Variants in DEFB110 observed in about 807,000 individuals in gnomAD.
DEFB110 encodes the protein defensin beta 110.
A neutral mutation model predicts 2.5 loss-of-function variants in DEFB110; 4 were observed. That is an observed-to-expected ratio of 1.60 (90% CI 0.79 to 3.66). The LOEUF (loss-of-function observed/expected upper bound fraction) is 3.66, where lower values mean the gene tolerates loss of function less well. DEFB110 is among the 30% of genes most tolerant of loss of function. DEFB110 has a pLI of 0.01. For missense variants in DEFB110, 94 were observed against 75.4 expected, an observed-to-expected ratio of 1.25 and a Z score of -0.91; for synonymous variants, 29 against 21.8, an observed-to-expected ratio of 1.33 and a Z score of -0.92.
downstream of DEFB110, among the ~76,000 whole-genome samples, chr6:50,015,006 C>T (rs561814090): frequency 2.6e-5 from 4 of 151,922 alleles, no homozygotes; most frequent in African/African-American, 7.2e-5. Context: ...TCTACATGTC[C>T]AAAATTGGAT....
chr6:50,015,856 A>G (rs149213456), downstream of DEFB110, among the ~76,000 whole-genome samples: 70 of 151,866 alleles, frequency 4.6e-4, no homozygotes, highest in African/African-American at 1.6e-3. Context: ...ATGTAGTTTA[A>G]CCTGTTTATT....
At chr6:50,021,390 G>C (rs994616159) in intron 1 of DEFB110, among the ~76,000 whole-genome samples, 1 of 152,058 alleles carries the variant, frequency 6.6e-6, no homozygotes, top group Non-Finnish European at 1.5e-5. Flanking sequence ...AGAACCACTG[G>C]TCTAGTGATA....
At chr6:50,018,775 G>A (rs1041040926), downstream of DEFB110, 1 of 1,248,378 alleles carries the variant, frequency 8.0e-7, no homozygotes, top group African/African-American at 1.6e-5. Flanking sequence ...GCTACTTCTG[G>A]TACCAACAAA....
chr6:50,021,973 C>T lies in DEFB110; in HGVS notation c.-38G>A. On this transcript the variant is annotated 5_prime_UTR_variant, in exon 1 of 2. Coordinates refer to ENST00000371148, the MANE Select transcript of DEFB110 (RefSeq NM_001037497.2). ...CTTAAAAAAAGGGGGCAACAGACCT[C>T]CTTTTTCAAGTCAGTTGTTTTGAAA... 2 of 1,492,968 alleles carry T rather than the reference C, an allele frequency of 1.3e-6. No individual in the cohort carries two copies. The highest frequency in any genetic ancestry group is 1.3e-5 in the South Asian group (1 of 74,814). The allele number at this position is 1,492,968 out of a possible 1,614,324, so 92.5% of individuals were successfully genotyped here.
chr6:50,013,737 G>T (rs915524767), intron 1 of DEFB110, among the ~76,000 whole-genome samples: 5 of 151,830 alleles, frequency 3.3e-5, no homozygotes, highest in Admixed American at 1.3e-4. Flanking sequence ...TTTTGGATTT[G>T]CAGGGAAAGG....
At chr6:50,017,239 C>T (rs560621332), downstream of DEFB110, among the ~76,000 whole-genome samples, 45 of 151,716 alleles carry the variant, frequency 3.0e-4, no homozygotes, top group African/African-American at 1.1e-3. Context: ...TCACATCTAG[C>T]CCATATGTAA....
intron 1 of DEFB110, among the ~76,000 whole-genome samples, chr6:50,009,590 A>G (rs552626333): frequency 6.6e-6 from 1 of 152,162 alleles, no homozygotes; most frequent in Non-Finnish European, 1.5e-5. Context: ...TTTGTCAGAC[A>G]TTTGTTGTGA....
chr6:50,021,800 A>T (rs537263691), intron 1 of DEFB110, 81 bp downstream of exon 1: 5 of 1,306,944 alleles, frequency 3.8e-6, no homozygotes, highest in Admixed American at 5.4e-5. Context: ...TCCCTATGTT[A>T]TTATCATATT....
At chr6:50,013,410 T>A (rs766033981) in intron 1 of DEFB110, among the ~76,000 whole-genome samples, 2 of 151,810 alleles carry the variant, frequency 1.3e-5, no homozygotes, top group African/African-American at 2.4e-5. Flanking sequence ...TTTAGCACAA[T>A]AGAAATTATA....
At chr6:50,015,933 C>CT (rs1774308284), downstream of DEFB110, among the ~76,000 whole-genome samples, 2 of 151,760 alleles carry the variant, frequency 1.3e-5, no homozygotes, top group African/African-American at 4.8e-5. Flanking sequence ...TTTGTGAACT[C>CT]TATCAAATTG....
downstream of DEFB110, among the ~76,000 whole-genome samples, chr6:50,016,492 A>G (rs1774318221): frequency 6.6e-6 from 1 of 151,878 alleles, no homozygotes; most frequent in Non-Finnish European, 1.5e-5. Context: ...TCATACAATA[A>G]AAATTACAAT....
At chr6:50,020,374 T>A (rs2113943391) in intron 1 of DEFB110, among the ~76,000 whole-genome samples, 1 of 152,204 alleles carries the variant, frequency 6.6e-6, no homozygotes, top group East Asian at 1.9e-4. Flanking sequence ...CAAGTCAAAA[T>A]TTTTTTATTT....
At chr6:50,016,459 C>T (rs151142197), downstream of DEFB110, among the ~76,000 whole-genome samples, 41 of 151,898 alleles carry the variant, frequency 2.7e-4, no homozygotes, top group East Asian at 7.9e-3. Context: ...ATTAGTTTAA[C>T]ATTATCTAGT....
chr6:50,021,840 A>T (rs1183028105), intron 1 of DEFB110, 41 bp downstream of exon 1: 1 of 1,521,212 alleles, frequency 6.6e-7, no homozygotes, highest in Admixed American at 2.4e-5. Context: ...ATGTCTTCTC[A>T]AATTTGTTAG....
chr6:50,019,199 A>G, intron 1 of DEFB110, 74 bp from the exon 2 acceptor site: 1 of 1,487,194 alleles, frequency 6.7e-7, no homozygotes, highest in Non-Finnish European at 9.1e-7. Context: ...GAGAAAGTCC[A>G]TGAAGCAAAA....
chr6:50,015,940 A>G (rs1021554592), downstream of DEFB110, among the ~76,000 whole-genome samples: 2 of 151,802 alleles, frequency 1.3e-5, no homozygotes, highest in African/African-American at 2.4e-5. Context: ...ACTCTATCAA[A>G]TTGAATATTA....
intron 1 of DEFB110, among the ~76,000 whole-genome samples, chr6:50,020,358 T>C (rs1430570696): frequency 6.6e-6 from 1 of 152,090 alleles, no homozygotes; most frequent in Non-Finnish European, 1.5e-5. Flanking sequence ...ATATTTTAAA[T>C]TGTACCAAGT....
intron 1 of DEFB110, among the ~76,000 whole-genome samples, chr6:50,019,610 T>C (rs1000843558): frequency 6.6e-6 from 1 of 152,040 alleles, no homozygotes; most frequent in Non-Finnish European, 1.5e-5. Flanking sequence ...GCAACTCCCC[T>C]GAATATTTGG....
chr6:50,019,903 G>A (rs1365575928), intron 1 of DEFB110, among the ~76,000 whole-genome samples: 33 of 151,994 alleles, frequency 2.2e-4, no homozygotes, highest in Admixed American at 2.0e-3. Flanking sequence ...TTAGTGGCAC[G>A]CAGACACACC....
Sources: gnomAD v4.1 joint callset for allele counts (sites outside exome capture counted in the v4.1 genomes callset) on GRCh38, gnomAD v4.1.1 for gene constraint, MANE v1.5 for transcripts, NCBI Gene and HGNC (gene_info 2026-07-23, HGNC 2026-07-21) for gene names.